Variants in REEP1 observed in about 807,000 individuals in gnomAD.
REEP1 encodes receptor accessory protein 1.
Under a neutral mutation model 40.3 loss-of-function variants are expected in REEP1, and 22 were observed. That is an observed-to-expected ratio of 0.55 (90% confidence interval 0.39 to 0.78). REEP1 has a LOEUF of 0.78. Among genes scored for constraint, REEP1 ranks in the 30% least tolerant of loss-of-function variants. The pLI, the probability that REEP1 is intolerant of heterozygous loss-of-function variation, is 0.00. For synonymous variants in REEP1, 116 were observed against 139.2 expected (o/e 0.83, Z 1.17); for missense variants, 280 against 361.1 (o/e 0.78, Z 1.82).
chr2:86,301,897 T>C (rs1394093776), intron 1 of REEP1, among the ~76,000 whole-genome samples: 1 of 152,170 alleles, frequency 6.6e-6, no homozygotes, highest in African/African-American at 2.4e-5. Flanking sequence ...AAACCCACAT[T>C]TGCTGCTGGG....
chr2:86,217,696 A>ATTTTTTTTTTTTT (rs1553456174), intron 8 of REEP1, among the ~76,000 whole-genome samples: 1 of 104,562 alleles, frequency 9.6e-6, no homozygotes, highest in African/African-American at 4.3e-5. Flanking sequence ...AGATTTTGGG[A>ATTTTTTTTTTTTT]TGTTTGCATA....
At chr2:86,292,676 T>C (rs1459900601) in intron 1 of REEP1, among the ~76,000 whole-genome samples, 1 of 152,054 alleles carries the variant, frequency 6.6e-6, no homozygotes, top group Non-Finnish European at 1.5e-5. Flanking sequence ...CCCTACATGG[T>C]ATATATTTAG....
At chr2:86,239,485 C>A (rs983749302) in intron 5 of REEP1, among the ~76,000 whole-genome samples, 1 of 152,152 alleles carries the variant, frequency 6.6e-6, no homozygotes, top group African/African-American at 2.4e-5. Flanking sequence ...AAATTGATAA[C>A]AAAGCCACCA....
At chr2:86,310,351 G>A (rs1232653167) in intron 1 of REEP1, among the ~76,000 whole-genome samples, 3 of 152,166 alleles carry the variant, frequency 2.0e-5, no homozygotes, top group Non-Finnish European at 4.4e-5. Flanking sequence ...AAATACCACT[G>A]TGTTACAACT....
At chr2:86,296,718 G>C (rs542846638) in intron 1 of REEP1, among the ~76,000 whole-genome samples, 1 of 152,300 alleles carries the variant, frequency 6.6e-6, no homozygotes, top group South Asian at 2.1e-4. Flanking sequence ...TTAGCCAGGA[G>C]TGATGGCAGG....
rs10668934 is a variant in REEP1, at chr2:86,217,666, A to ATTTTTTTTTTT, written c.784-567_784-557dup. Among the ~76,000 whole-genome samples, 2,295 of 112,552 alleles carry ATTTTTTTTTTT rather than the reference A, an allele frequency of 0.02. 124 individuals carry two copies. The East Asian group carries it at 0.26, about 13-fold the overall frequency. 73.8% of individuals were successfully genotyped at this position (112,552 alleles called of 152,430 possible). ...GAGTCAGAAGTGTTTGGGATTTCAG[A>ATTTTTTTTTTT]TTTTTTTTTTTTTTTTTTCAGATTT... On this transcript the variant is annotated intron_variant, in intron 8 of 8. Transcript: ENST00000538924.
intron 3 of REEP1, among the ~76,000 whole-genome samples, chr2:86,259,198 G>T (rs899088619): frequency 2.0e-5 from 3 of 151,172 alleles, no homozygotes; most frequent in Non-Finnish European, 2.9e-5. Flanking sequence ...GCTGAGGCAG[G>T]AGAAGCACTT....
At chr2:86,267,145 G>A (rs1428525838) in intron 2 of REEP1, among the ~76,000 whole-genome samples, 1 of 152,092 alleles carries the variant, frequency 6.6e-6, no homozygotes, top group Admixed American at 6.5e-5. Flanking sequence ...TTGGATGTGT[G>A]GTTGTGTCCC....
At chr2:86,249,966 G>C (rs1045279862) in intron 5 of REEP1, among the ~76,000 whole-genome samples, 1 of 152,164 alleles carries the variant, frequency 6.6e-6, no homozygotes, top group East Asian at 1.9e-4. Context: ...CCCTCACTAC[G>C]TTAGTCCAGC....
intron 6 of REEP1, among the ~76,000 whole-genome samples, chr2:86,227,923 A>G (rs1417956153): frequency 1.3e-5 from 2 of 152,174 alleles, no homozygotes; most frequent in African/African-American, 4.8e-5. Flanking sequence ...AAGTCCATGG[A>G]AGGCCAGGAT....
intron 1 of REEP1, among the ~76,000 whole-genome samples, chr2:86,299,406 C>G (rs1679159035): frequency 6.6e-6 from 1 of 152,206 alleles, no homozygotes; most frequent in South Asian, 2.1e-4. Context: ...TCTCCAGACA[C>G]CACCGAATGT....
At chr2:86,295,801 G>C (rs1044589189) in intron 1 of REEP1, among the ~76,000 whole-genome samples, 7 of 152,174 alleles carry the variant, frequency 4.6e-5, no homozygotes, top group South Asian at 4.1e-4. Flanking sequence ...GGCCTCCCAA[G>C]GTGCTAGGAT....
intron 4 of REEP1, among the ~76,000 whole-genome samples, chr2:86,254,430 T>A (rs1042646209): frequency 1.3e-5 from 2 of 152,218 alleles, no homozygotes; most frequent in African/African-American, 4.8e-5. Context: ...CGTGGTTAAA[T>A]TGAGTGAATT....
At chr2:86,232,834 A>G in intron 5 of REEP1, 32 bp from the exon 6 acceptor site, 1 of 1,592,360 alleles carries the variant, frequency 6.3e-7, no homozygotes, top group South Asian at 1.1e-5. Context: ...CACACGTCAG[A>G]GGTCCTGCTC....
chr2:86,219,592 C>T (rs145858296), intron 8 of REEP1, among the ~76,000 whole-genome samples: 73 of 151,938 alleles, frequency 4.8e-4, no homozygotes, highest in African/African-American at 1.6e-3. Context: ...ACTACAGGTG[C>T]GCGCCACTAC....
At chr2:86,241,090 C>T (rs1237594290) in intron 5 of REEP1, among the ~76,000 whole-genome samples, 2 of 152,220 alleles carry the variant, frequency 1.3e-5, no homozygotes, top group Non-Finnish European at 2.9e-5. Flanking sequence ...GGCCCTTGCC[C>T]GGTGATGGGG....
chr2:86,328,070 G>A (rs960530157), intron 1 of REEP1, among the ~76,000 whole-genome samples: 7 of 152,124 alleles, frequency 4.6e-5, no homozygotes, highest in Non-Finnish European at 4.4e-5. Flanking sequence ...TCCACAACAC[G>A]CAGCCTGAAG....
intron 5 of REEP1, among the ~76,000 whole-genome samples, chr2:86,243,202 G>A (rs138216879): frequency 5.3e-5 from 8 of 152,100 alleles, no homozygotes; most frequent in Non-Finnish European, 1.0e-4. Flanking sequence ...ACACTGAGGC[G>A]TGAGGAAAGG....
chr2:86,225,374 C>T (rs1313231620), intron 7 of REEP1, among the ~76,000 whole-genome samples: 3 of 152,184 alleles, frequency 2.0e-5, no homozygotes, highest in Non-Finnish European at 2.9e-5. Flanking sequence ...CGGATTCAAG[C>T]GATTGTCCTG....
Sources: gnomAD v4.1 joint callset for allele counts (sites outside exome capture counted in the v4.1 genomes callset) on GRCh38, gnomAD v4.1.1 for gene constraint, MANE v1.5 for transcripts, NCBI Gene and HGNC (gene_info 2026-07-23, HGNC 2026-07-21) for gene names.